The following AKR1E2 variants were observed in gnomAD, a reference collection of about 807,000 sequenced individuals.
AKR1E2 encodes the protein 1,5-anhydro-D-fructose reductase.
Under a neutral mutation model 41.9 loss-of-function variants are expected in AKR1E2, and 43 were observed. That is an observed-to-expected ratio of 1.03 (90% confidence interval 0.80 to 1.32). The LOEUF is 1.32. AKR1E2 is among the 40% of genes most tolerant of loss of function. The pLI is 0.00. For synonymous variants in AKR1E2, 121 were observed against 138.9 expected (o/e 0.87, Z 0.91); for missense variants, 423 against 396.5 (o/e 1.07, Z -0.57).
At chr10:4,872,788 T>C in the AKR1E2 span, among the ~76,000 whole-genome samples, 1 of 152,078 alleles carries the variant, frequency 6.6e-6, no homozygotes, top group African/African-American at 2.4e-5. Flanking sequence ...AAATATATGG[T>C]GTGTAAGTTA....
chr10:4,841,466 C>A (rs1833867401), intron 6 of AKR1E2, among the ~76,000 whole-genome samples: 1 of 142,076 alleles, frequency 7.0e-6, no homozygotes, highest in Non-Finnish European at 1.6e-5. Context: ...GTCAGAGAGC[C>A]CTGAGAGTCG....
intron 8 of AKR1E2, chr10:4,846,046 C>A: frequency 2.8e-6 from 1 of 361,842 alleles, no homozygotes; most frequent in South Asian, 2.0e-5. Flanking sequence ...ACTGCTGCTG[C>A]AAGGCTGCCT....
At chr10:4,845,875 T>C (rs1834296860) in intron 8 of AKR1E2, 1 of 470,030 alleles carries the variant, frequency 2.1e-6, no homozygotes, top group African/African-American at 2.0e-5. Flanking sequence ...ATCTGATGGC[T>C]GAGGACAGAC....
At chr10:4,831,114 G>A (rs2131501888) in intron 2 of AKR1E2, among the ~76,000 whole-genome samples, 1 of 152,318 alleles carries the variant, frequency 6.6e-6, no homozygotes, top group Admixed American at 6.5e-5. Flanking sequence ...GACTACAGTG[G>A]TGAATAGGAC....
chr10:4,836,943 T>G (rs1293088106), intron 4 of AKR1E2, among the ~76,000 whole-genome samples: 6 of 152,114 alleles, frequency 3.9e-5, no homozygotes, highest in Non-Finnish European at 7.4e-5. Flanking sequence ...AGCTCAGAGC[T>G]TTAGGTTGCT....
At chr10:4,855,396 C>A in the AKR1E2 span, among the ~76,000 whole-genome samples, 8 of 151,684 alleles carry the variant, frequency 5.3e-5, no homozygotes, top group African/African-American at 1.9e-4. Context: ...ACCTGCTGTT[C>A]AAGATGGCCA....
intron 8 of AKR1E2, among the ~76,000 whole-genome samples, chr10:4,846,783 G>T: frequency 6.6e-6 from 1 of 152,106 alleles, no homozygotes. Flanking sequence ...TGACCTCGTG[G>T]TCTGCCCATC....
chr10:4,858,431 A>T, the AKR1E2 span, among the ~76,000 whole-genome samples: 1 of 152,232 alleles, frequency 6.6e-6, no homozygotes, highest in Non-Finnish European at 1.5e-5. Context: ...GAATAGATGA[A>T]TTGTCTTTGG....
downstream of AKR1E2, among the ~76,000 whole-genome samples, chr10:4,852,052 AG>A (rs1486145992): frequency 6.6e-6 from 1 of 152,146 alleles, no homozygotes; most frequent in Non-Finnish European, 1.5e-5. Context: ...AGTATTGACG[AG>A]TATTTGGATG....
chr10:4,835,739 T>C lies in AKR1E2; in HGVS notation c.389T>C (p.Val130Ala), dbSNP rs773112074. The C allele has an allele frequency of 7.4e-6, 12 of 1,614,024 alleles. No individual in the cohort carries two copies. Among genetic ancestry groups the C allele is most frequent in the Non-Finnish European group, 1.0e-5 (12 of 1,180,028 alleles). ...TCCTTCTGCCTCTCACATCCTCGAGTGCAGGACTTGCCTCTGGACGAGAGC... is the reference window on the plus strand; with the variant it reads ...TCCTTCTGCCTCTCACATCCTCGAGCGCAGGACTTGCCTCTGGACGAGAGC... ...ELSFCLSHPR[V>A]QDLPLDESNM... is the part of the protein sequence containing the mutation. The change falls in exon 4 of 10, where the codon GTG becomes GCG. Residue 130 changes from valine (V) to alanine (A), a missense_variant. Val to Ala is a moderately conservative substitution (Grantham distance 64, BLOSUM62 0). Coordinates refer to ENST00000298375, the MANE Select transcript of AKR1E2 (RefSeq NM_001040177.3).
At chr10:4,853,912 C>T in the AKR1E2 span, among the ~76,000 whole-genome samples, 2 of 151,554 alleles carry the variant, frequency 1.3e-5, no homozygotes, top group Non-Finnish European at 3.0e-5. Flanking sequence ...ATGCTACACT[C>T]CCACCAGCGC....
intron 1 of AKR1E2, among the ~76,000 whole-genome samples, chr10:4,830,281 C>T (rs745385352): frequency 2.0e-5 from 3 of 152,186 alleles, no homozygotes; most frequent in African/African-American, 4.8e-5. Context: ...TGGATACCTT[C>T]GTGTGAGTCT....
At chr10:4,853,746 T>C in the AKR1E2 span, among the ~76,000 whole-genome samples, 1 of 152,234 alleles carries the variant, frequency 6.6e-6, no homozygotes, top group South Asian at 2.1e-4. Flanking sequence ...CTGAGACCTA[T>C]TGGGCTGCAT....
At chr10:4,837,684 A>G (rs944588072) in intron 5 of AKR1E2, 103 bp downstream of exon 5, 1 of 1,512,482 alleles carries the variant, frequency 6.6e-7, no homozygotes, top group East Asian at 2.3e-5. Context: ...TGAAGCACAA[A>G]ACAGGCCTGT....
the AKR1E2 span, among the ~76,000 whole-genome samples, chr10:4,864,918 A>G: frequency 6.6e-6 from 1 of 152,194 alleles, no homozygotes; most frequent in Non-Finnish European, 1.5e-5. Context: ...TTTTGCAGAG[A>G]TACAGTAATA....
chr10:4,856,287 A>G, the AKR1E2 span, among the ~76,000 whole-genome samples: 3 of 152,234 alleles, frequency 2.0e-5, no homozygotes, highest in Non-Finnish European at 2.9e-5. Context: ...AATCCTGTAA[A>G]AGAAATTCTG....
the AKR1E2 span, among the ~76,000 whole-genome samples, chr10:4,860,934 AG>A: frequency 1.3e-5 from 2 of 152,198 alleles, no homozygotes; most frequent in Admixed American, 1.3e-4. Flanking sequence ...CGATGCACAT[AG>A]GGGAAGTCCG....
intron 4 of AKR1E2, 151 bp downstream of exon 4, chr10:4,835,960 A>C: frequency 8.7e-7 from 1 of 1,154,212 alleles, no homozygotes; most frequent in Non-Finnish European, 1.2e-6. Context: ...ATACCCGAAG[A>C]ACTCAGAGAC....
chr10:4,841,693 T>C, intron 6 of AKR1E2, 92 bp from the exon 7 acceptor site: 1 of 994,422 alleles, frequency 1.0e-6, no homozygotes, highest in Non-Finnish European at 1.4e-6. Flanking sequence ...AGAAAATAAA[T>C]CTTTCATTTT....
Sources: allele counts gnomAD v4.1 joint callset (sites outside exome capture counted in the v4.1 genomes callset), GRCh38; gene constraint gnomAD v4.1.1; transcripts MANE v1.5; gene names NCBI Gene and HGNC (gene_info 2026-07-23, HGNC 2026-07-21).